Variants in NFXL1 observed in about 807,000 individuals in gnomAD.
The protein encoded by NFXL1 is nuclear transcription factor, X-box binding like 1.
NFXL1 carries 66 observed loss-of-function variants against 123.3 expected under a neutral mutation model. That is an observed-to-expected ratio of 0.54 (90% CI 0.44 to 0.66). The LOEUF is 0.66. Ranked by LOEUF, NFXL1 falls within the 30% of genes least tolerant of loss-of-function variation. NFXL1 has a pLI of 0.00. For missense variants in NFXL1, 944 were observed against 1,125.6 expected (o/e 0.84, Z 2.31); for synonymous variants, 346 against 360.8 (o/e 0.96, Z 0.46).
intron 18 of NFXL1, among the ~76,000 whole-genome samples, chr4:47,869,154 G>A (rs903392418): frequency 6.6e-6 from 1 of 152,156 alleles, no homozygotes; most frequent in African/African-American, 2.4e-5. Context: ...GAGCCCAGGA[G>A]TTCAAGGCTG....
intron 19 of NFXL1, among the ~76,000 whole-genome samples, chr4:47,858,799 TG>T (rs1734562528): frequency 6.6e-6 from 1 of 152,196 alleles, no homozygotes; most frequent in Non-Finnish European, 1.5e-5. Flanking sequence ...CAGCATTACT[TG>T]ATTTTTTGGC....
intron 20 of NFXL1, among the ~76,000 whole-genome samples, chr4:47,854,017 C>G (rs1734270091): frequency 1.3e-5 from 2 of 152,056 alleles, no homozygotes; most frequent in Non-Finnish European, 2.9e-5. Context: ...TCAGAGAAAA[C>G]TTAAGAGACA....
intron 18 of NFXL1, among the ~76,000 whole-genome samples, chr4:47,873,506 T>C (rs559881878): frequency 1.3e-5 from 2 of 152,340 alleles, no homozygotes; most frequent in African/African-American, 4.8e-5. Flanking sequence ...ATCTCCATTA[T>C]AGCTCTTGGG....
At chr4:47,856,980 T>C (rs1483296455) in intron 19 of NFXL1, among the ~76,000 whole-genome samples, 6 of 152,178 alleles carry the variant, frequency 3.9e-5, no homozygotes, top group Non-Finnish European at 5.9e-5. Context: ...TCACCACTTA[T>C]TCTTACTCTC....
rs1489686013 is a variant in NFXL1, at chr4:47,847,868, A to C, written c.*295T>G. The C allele has an allele frequency of 5.2e-5, 11 of 211,738 alleles. No individual in the cohort carries two copies. The East Asian group carries it at 1.0e-3, about 19-fold the overall frequency. 13.1% of individuals were successfully genotyped at this position (211,738 alleles called of 1,614,324 possible). A position where few individuals can be genotyped will look rare whatever the true frequency, so the allele number is the denominator to read the frequency against. ...AAGTGTTGGTTTGAATTATTAAATGAAAAAACTAAGTACAAGGAAGCCCAA... is the reference window on the plus strand; with the variant it reads ...AAGTGTTGGTTTGAATTATTAAATGCAAAAACTAAGTACAAGGAAGCCCAA... On this transcript the variant is annotated 3_prime_UTR_variant, in exon 23 of 23. Transcript: ENST00000507489.
At chr4:47,865,100 C>T (rs551306058) in intron 18 of NFXL1, among the ~76,000 whole-genome samples, 1 of 152,280 alleles carries the variant, frequency 6.6e-6, no homozygotes, top group East Asian at 1.9e-4. Flanking sequence ...TGATTGTTTT[C>T]TTCTTGGTTG....
chr4:47,879,186 ACT>A, intron 15 of NFXL1, 69 bp from the exon 16 acceptor site: 1 of 627,272 alleles, frequency 1.6e-6, no homozygotes, highest in Non-Finnish European at 2.7e-6. Context: ...AAAGATGCTA[ACT>A]CTACTAGCAT....
Position 47,875,233 on chromosome 4 carries a change from G to A in NFXL1, c.2140C>T (p.Leu714Phe). 1.2e-6 allele frequency: 2 copies of A among 1,613,396 alleles called. No homozygotes were observed. Among genetic ancestry groups the A allele is most frequent in the Non-Finnish European group, 1.7e-6 (2 of 1,179,544 alleles). ...GCSKSRPLGC[L>F]HPCILRCHPG... The stretch of plus-strand genomic sequence containing the variant: ...TGACATCGCAAAATACATGGGTGAA[G>A]ACAACCTAGTGGCCGTGACTTGGAG... Residue 714 changes from leucine to phenylalanine, a missense_variant, in exon 18 of 23, where the codon CTT becomes TTT. Coordinates refer to ENST00000507489, the MANE Select transcript of NFXL1 (RefSeq NM_001278624.2).
At chr4:47,882,777 A>C (rs1340622370) in intron 15 of NFXL1, among the ~76,000 whole-genome samples, 3 of 152,202 alleles carry the variant, frequency 2.0e-5, no homozygotes, top group Non-Finnish European at 2.9e-5. Flanking sequence ...TGTTTTCTAC[A>C]ACAGTAATGA....
Position 47,897,982 on chromosome 4 carries a change from G to A in NFXL1, c.1189C>T (p.Pro397Ser), listed in dbSNP as rs1234958730. Reference protein sequence around the residue: ...ECPRSGKRFCPCQKSKFSLPC... With the variant: ...ECPRSGKRFCSCQKSKFSLPC... ...CAAGTCTTACTTGATTTCTGACATG[G>A]ACAGAACCTTTTCCCAGATCGAGGA... Residue 397 changes from proline (P) to serine (S), a missense_variant, in exon 9 of 23, where the codon CCA (proline) becomes TCA (serine). Coordinates refer to ENST00000507489, the MANE Select transcript of NFXL1 (RefSeq NM_001278624.2). 2 of 1,605,544 alleles carry A rather than the reference G, an allele frequency of 1.2e-6. No homozygotes were observed. The highest frequency in any genetic ancestry group is 2.2e-5 in the South Asian group (2 of 89,492).
chr4:47,887,999 G>C (rs1296282402), intron 12 of NFXL1, among the ~76,000 whole-genome samples: 1 of 152,108 alleles, frequency 6.6e-6, no homozygotes, highest in Admixed American at 6.5e-5. Flanking sequence ...AAATCGGCTG[G>C]GCGCTGTGGC....
intron 11 of NFXL1, among the ~76,000 whole-genome samples, chr4:47,892,128 C>A (rs895467925): frequency 7.9e-5 from 12 of 152,120 alleles, no homozygotes; most frequent in African/African-American, 2.2e-4. Flanking sequence ...CTGTCTCAAA[C>A]CACTAGAAAA....
At chr4:47,913,848 T>G in intron 2 of NFXL1, 121 bp downstream of exon 2, 2 of 641,744 alleles carry the variant, frequency 3.1e-6, no homozygotes, top group South Asian at 2.6e-5. Context: ...GTGGGCCCGA[T>G]AACAAACTCC....
chr4:47,910,912 G>C lies in NFXL1; in HGVS notation c.318C>G (p.Ser106Arg). Residue 106 changes from serine to arginine, a missense_variant, in exon 3 of 23, where the codon AGC becomes AGG. This residue lies in a region of NFXL1 where 303 missense variants were observed against 292.1 expected (regional missense o/e 1.04). Transcript: ENST00000507489. Reference sequence around the variant, plus strand: ...CTTCATCTCCTTCTTCAGATGAAGAGCTAAACTGTTCTTCAACAAGTTTTC... The same window carrying C: ...CTTCATCTCCTTCTTCAGATGAAGACCTAAACTGTTCTTCAACAAGTTTTC... Reference protein sequence around the residue: ...AARKLVEEQFSSSSEEGDEDF... With the variant: ...AARKLVEEQFRSSSEEGDEDF... The C allele has an allele frequency of 6.2e-7, 1 of 1,602,330 alleles. No individual in the cohort carries two copies. Among genetic ancestry groups the C allele is most frequent in the African/African-American group, 1.3e-5 (1 of 74,588 alleles).
At chr4:47,910,620 C>A (rs1224612295) in intron 3 of NFXL1, among the ~76,000 whole-genome samples, 8 of 152,178 alleles carry the variant, frequency 5.3e-5, no homozygotes, top group Non-Finnish European at 1.2e-4. Context: ...AAAAGAGCCA[C>A]TGCCATTCTA....
intron 2 of NFXL1, among the ~76,000 whole-genome samples, chr4:47,913,312 T>C (rs947753781): frequency 8.1e-4 from 123 of 152,334 alleles, no homozygotes; most frequent in African/African-American, 2.8e-3. Context: ...TGAAAAGTAT[T>C]GATATATCGG....
chr4:47,908,932 G>T (rs946715478), intron 3 of NFXL1, among the ~76,000 whole-genome samples: 1 of 142,600 alleles, frequency 7.0e-6, no homozygotes, highest in African/African-American at 2.6e-5. Context: ...TCCAGCCTGG[G>T]CGACAGAGTG....
chr4:47,870,805 T>G (rs1022941348), intron 18 of NFXL1, among the ~76,000 whole-genome samples: 4 of 151,886 alleles, frequency 2.6e-5, no homozygotes, highest in Non-Finnish European at 4.4e-5. Context: ...AAGTACAAGA[T>G]GAGCCTGGGC....
chr4:47,877,305 A>C, intron 17 of NFXL1: 1 of 383,826 alleles, frequency 2.6e-6, no homozygotes, highest in Non-Finnish European at 5.2e-6. Context: ...TTCCAATATC[A>C]AGTTCTATCT....
Sources: gnomAD v4.1 joint callset for allele counts (sites outside exome capture counted in the v4.1 genomes callset) on GRCh38, gnomAD v4.1.1 for gene constraint, gnomAD v4.1.1 regional missense constraint, MANE v1.5 for transcripts, NCBI Gene and HGNC (gene_info 2026-07-23, HGNC 2026-07-21) for gene names.